Variants in FILIP1 observed in about 807,000 individuals in gnomAD.
FILIP1 encodes the protein filamin A interacting protein 1.
In FILIP1, 61 loss-of-function variants were observed where a neutral mutation model predicts 102.1. That is an observed-to-expected ratio of 0.60 (90% CI 0.49 to 0.74). The LOEUF is 0.74. FILIP1 is among the 30% of genes least tolerant of loss of function. FILIP1 has a pLI of 0.00. For synonymous variants in FILIP1, 491 were observed against 526.9 expected, an observed-to-expected ratio of 0.93 and a Z score of 0.93; for missense variants, 1,314 against 1,441.2, an observed-to-expected ratio of 0.91 and a Z score of 1.43.
At chr6:75,304,203 A>ATTAT (rs1175513362), downstream of FILIP1, among the ~76,000 whole-genome samples, 1 of 151,982 alleles carries the variant, frequency 6.6e-6, no homozygotes, top group African/African-American at 2.4e-5. Flanking sequence ...AGTAATATTT[A>ATTAT]TTATTTATTT....
rs549740617 is a variant in FILIP1, at chr6:75,347,259, C to T, written c.629+6280G>A. Among the ~76,000 whole-genome samples, 4 of 152,312 alleles carry T rather than the reference C, an allele frequency of 2.6e-5. No homozygotes were observed. In the South Asian group the frequency reaches 8.3e-4, roughly 32 times the overall value. ...TGGGGGAAGGAATTTAACTTCTCTG[C>T]TTCATCATCTGCTAAAAGGGCTAAT... On this transcript the variant is annotated intron_variant, in intron 4 of 5. Transcript: ENST00000237172.
chr6:75,320,875 C>T (rs1365518643), intron 4 of FILIP1, among the ~76,000 whole-genome samples: 1 of 152,216 alleles, frequency 6.6e-6, no homozygotes, highest in African/African-American at 2.4e-5. Flanking sequence ...ATGGGCTGAG[C>T]AAGATATCCC....
At position 75,360,263 on chromosome 6, in the gene FILIP1, T is replaced by C. The variant is rs1047546151; in HGVS notation, c.450+2481A>G. 4.5e-4 allele frequency among the ~76,000 whole-genome samples: 68 copies of C among 152,208 alleles called. 1 individual carries two copies. Among genetic ancestry groups the C allele is most frequent in the Admixed American group, 4.1e-3 (63 of 15,280 alleles). On this transcript the variant is annotated intron_variant, in intron 3 of 5. Coordinates refer to ENST00000237172, the MANE Select transcript of FILIP1 (RefSeq NM_015687.5). The stretch of plus-strand genomic sequence containing the variant: ...TACTGAGTCCTAAGGTCAAGGAATA[T>C]AATTTTGCTTGAGAAAAATGTATCT...
In FILIP1 at chr6:75,376,291, A is replaced by T. The variant is rs537585219; in HGVS notation, c.277-13374T>A. ...CCCTAGGGAATCTTGTGTTAGAAACATGCATCGGTACAACAGTTCAGAGAG... is the reference window on the plus strand; with the variant it reads ...CCCTAGGGAATCTTGTGTTAGAAACTTGCATCGGTACAACAGTTCAGAGAG... On this transcript the variant is annotated intron_variant, in intron 2 of 5. Coordinates refer to ENST00000237172, the MANE Select transcript of FILIP1 (RefSeq NM_015687.5). 3.3e-5 allele frequency among the ~76,000 whole-genome samples: 5 copies of T among 152,270 alleles called. No individual in the cohort carries two copies. In the South Asian group the frequency reaches 1.0e-3, roughly 32 times the overall value.
chr6:75,464,443 A>G (rs1240398943), intron 1 of FILIP1, among the ~76,000 whole-genome samples: 2 of 152,208 alleles, frequency 1.3e-5, no homozygotes, highest in Non-Finnish European at 2.9e-5. Context: ...CTAAACATCA[A>G]TGTATGCAGG....
chr6:75,295,268 A>G (rs1772640244), exon 7 of FILIP1: 1 of 152,190 alleles, frequency 6.6e-6, no homozygotes, highest in Non-Finnish European at 1.5e-5. Flanking sequence ...AGAACACCAG[A>G]AAGAGCAACT....
At chr6:75,363,511 G>A (rs554906905) in intron 2 of FILIP1, among the ~76,000 whole-genome samples, 157 of 151,420 alleles carry the variant, frequency 1.0e-3, no homozygotes, top group African/African-American at 3.6e-3. Flanking sequence ...TCACAAAAAA[G>A]GTGAAATTTC....
chr6:75,445,617 ATT>A (rs200129252), intron 1 of FILIP1, among the ~76,000 whole-genome samples: 13 of 144,886 alleles, frequency 9.0e-5, no homozygotes, highest in South Asian at 4.4e-4. Flanking sequence ...ACCACATTTA[ATT>A]TTTTTTTTTT....
At chr6:75,351,265 G>C (rs1307127317) in intron 4 of FILIP1, among the ~76,000 whole-genome samples, 1 of 152,120 alleles carries the variant, frequency 6.6e-6, no homozygotes, top group African/African-American at 2.4e-5. Flanking sequence ...GTTTCACCAT[G>C]TTGGCCAGGC....
chr6:75,463,634 T>A (rs993616378), intron 1 of FILIP1, among the ~76,000 whole-genome samples: 1 of 152,182 alleles, frequency 6.6e-6, no homozygotes, highest in Non-Finnish European at 1.5e-5. Flanking sequence ...CACTAGAATA[T>A]ATTTGACCTA....
chr6:75,437,114 C>A (rs1267467564), intron 1 of FILIP1, among the ~76,000 whole-genome samples: 2 of 152,152 alleles, frequency 1.3e-5, no homozygotes, highest in Non-Finnish European at 2.9e-5. Flanking sequence ...ATTATGAAGA[C>A]AGAACTTGGA....
At chr6:75,306,706 C>T (rs781660150), downstream of FILIP1, among the ~76,000 whole-genome samples, 2 of 152,098 alleles carry the variant, frequency 1.3e-5, no homozygotes, top group Non-Finnish European at 2.9e-5. Context: ...ACCTTGAAAT[C>T]CCATTACTAT....
intron 1 of FILIP1, among the ~76,000 whole-genome samples, chr6:75,481,542 C>T (rs887798092): frequency 1.3e-5 from 2 of 152,214 alleles, no homozygotes; most frequent in Non-Finnish European, 2.9e-5. Context: ...TGTGGACTGA[C>T]TCCCTGCCTG....
At chr6:75,302,941 CA>C (rs1196943477) in intron 6 of FILIP1, among the ~76,000 whole-genome samples, 1 of 152,154 alleles carries the variant, frequency 6.6e-6, no homozygotes, top group East Asian at 1.9e-4. Context: ...CTGGAGATTA[CA>C]AGACCAATTA....
chr6:75,308,935 T>C (rs201220975), intron 5 of FILIP1, 38 bp from the exon 6 acceptor site: 335 of 1,607,482 alleles, frequency 2.1e-4, no homozygotes, highest in Non-Finnish European at 2.5e-4. Context: ...AGGGAGATGT[T>C]GGTGAGTTTC....
chr6:75,344,640 C>T (rs1200921697), intron 4 of FILIP1, among the ~76,000 whole-genome samples: 1 of 152,194 alleles, frequency 6.6e-6, no homozygotes, highest in African/African-American at 2.4e-5. Context: ...CACTGGAGAC[C>T]TCTGTGACCT....
At chr6:75,484,653 A>C (rs1329318236) in intron 1 of FILIP1, among the ~76,000 whole-genome samples, 1 of 152,192 alleles carries the variant, frequency 6.6e-6, no homozygotes, top group African/African-American at 2.4e-5. Flanking sequence ...TGATGCACAG[A>C]GAGTGTTGAG....
chr6:75,391,423 A>AT (rs1776276006), intron 2 of FILIP1, among the ~76,000 whole-genome samples: 2 of 152,116 alleles, frequency 1.3e-5, no homozygotes, highest in African/African-American at 4.8e-5. Flanking sequence ...ATACTATTTC[A>AT]TAACTTCTTC....
intron 2 of FILIP1, among the ~76,000 whole-genome samples, chr6:75,410,185 G>C (rs978366557): frequency 1.3e-5 from 2 of 152,138 alleles, no homozygotes; most frequent in South Asian, 2.1e-4. Flanking sequence ...CATAAAGAGA[G>C]AGCAATAGGT....
Sources: allele counts gnomAD v4.1 joint callset (sites outside exome capture counted in the v4.1 genomes callset), GRCh38; gene constraint gnomAD v4.1.1; transcripts MANE v1.5; gene names NCBI Gene and HGNC (gene_info 2026-07-23, HGNC 2026-07-21).